The following EYA3 variants were observed in gnomAD, a reference collection of about 807,000 sequenced individuals.
EYA3 encodes the protein protein phosphatase EYA3.
In EYA3, 39 loss-of-function variants were observed where a neutral mutation model predicts 80.0. The observed-to-expected ratio is 0.49, with a 90% CI of 0.38 to 0.64. The LOEUF is 0.64. EYA3 is among the 30% of genes least tolerant of loss of function. EYA3 has a pLI of 0.00. For synonymous variants in EYA3, 206 were observed against 232.8 expected (o/e 0.88, Z 1.05); for missense variants, 523 against 676.1 (o/e 0.77, Z 2.51).
chr1:27,996,676 G>A (rs1640481470), intron 13 of EYA3, among the ~76,000 whole-genome samples: 1 of 152,156 alleles, frequency 6.6e-6, no homozygotes, highest in Non-Finnish European at 1.5e-5. Flanking sequence ...GTAGTTACTG[G>A]GAAGAACATT....
intron 1 of EYA3, among the ~76,000 whole-genome samples, chr1:28,059,252 A>C (rs1644534576): frequency 6.6e-6 from 1 of 152,202 alleles, no homozygotes; most frequent in Non-Finnish European, 1.5e-5. Flanking sequence ...TCCAACTCTA[A>C]CACAGCTTTA....
At chr1:28,059,395 A>T (rs1168652043) in intron 1 of EYA3, among the ~76,000 whole-genome samples, 22 of 152,246 alleles carry the variant, frequency 1.4e-4, no homozygotes, top group Admixed American at 1.4e-3. Context: ...TGACACAGGT[A>T]ACTAGTGATA....
chr1:28,085,268 T>C (rs775246371), intron 1 of EYA3, among the ~76,000 whole-genome samples: 10 of 151,970 alleles, frequency 6.6e-5, no homozygotes, highest in Non-Finnish European at 1.0e-4. Flanking sequence ...CTGGGCAACA[T>C]GGTGAAACTC....
intron 10 of EYA3, 60 bp from the exon 11 acceptor site, chr1:28,004,479 A>G (rs1641128586): frequency 3.2e-6 from 4 of 1,250,172 alleles, no homozygotes; most frequent in Non-Finnish European, 3.5e-6. Context: ...ATGAAACCAG[A>G]AATCAATAAC....
intron 1 of EYA3, among the ~76,000 whole-genome samples, chr1:28,072,665 T>C (rs578226997): frequency 3.5e-4 from 54 of 152,290 alleles, no homozygotes; most frequent in African/African-American, 1.3e-3. Flanking sequence ...GGAAAACAGT[T>C]TGGCAGTTCC....
intron 2 of EYA3, among the ~76,000 whole-genome samples, chr1:28,053,762 T>G (rs193027820): frequency 1.6e-4 from 24 of 152,310 alleles, no homozygotes; most frequent in African/African-American, 4.8e-4. Flanking sequence ...AATTGTTAAA[T>G]TTTAGTGTTA....
At position 28,013,555 on chromosome 1, in the gene EYA3, A is replaced by C. The variant is rs1641835081; in HGVS notation, c.586-261T>G. Among the ~76,000 whole-genome samples the C allele has an allele frequency of 6.6e-6, 1 of 152,178 alleles. No individual in the cohort carries two copies. Among genetic ancestry groups the C allele is most frequent in the Admixed American group, 6.5e-5 (1 of 15,268 alleles). On this transcript the variant is annotated intron_variant, in intron 8 of 17. Coordinates refer to ENST00000373871, the MANE Select transcript of EYA3 (RefSeq NM_001990.4). This position sits in a 1 kb window ranked among gnomAD's most constrained non-coding sequence, Gnocchi z 4.0. ...AGGGAAGGGTCTTCTGTACTCTCAT[A>C]AACATACACATGGTGTCCCTTTTTG...
intron 1 of EYA3, among the ~76,000 whole-genome samples, chr1:28,081,695 C>G (rs1645435211): frequency 6.6e-6 from 1 of 152,030 alleles, no homozygotes; most frequent in Admixed American, 6.6e-5. Flanking sequence ...GGGAGGGGCA[C>G]AACAGGTGAA....
chr1:28,042,332 A>C (rs1004893823), intron 4 of EYA3, among the ~76,000 whole-genome samples: 8 of 152,172 alleles, frequency 5.3e-5, no homozygotes, highest in African/African-American at 1.9e-4. Flanking sequence ...TCTCAAAACA[A>C]AAATAAAATC....
intron 10 of EYA3, among the ~76,000 whole-genome samples, chr1:28,004,851 T>C (rs1195765078): frequency 6.6e-6 from 1 of 151,794 alleles, no homozygotes; most frequent in Non-Finnish European, 1.5e-5. Flanking sequence ...CAGAGATAAA[T>C]AGAAGAGAGA....
chr1:27,994,278 A>T (rs1243050157), intron 13 of EYA3, among the ~76,000 whole-genome samples: 1 of 152,198 alleles, frequency 6.6e-6, no homozygotes, highest in African/African-American at 2.4e-5. Context: ...TGTAATGAGG[A>T]ACTAAAGCCT....
Position 27,983,228 on chromosome 1 carries a change from TACAC to T in EYA3, c.1541-4758_1541-4755del, listed in dbSNP as rs1639430692. Among the ~76,000 whole-genome samples the T allele has an allele frequency of 2.0e-5, 3 of 152,322 alleles. No homozygotes were observed. The South Asian group carries it at 6.2e-4, about 32-fold the overall frequency. On this transcript the variant is annotated intron_variant, in intron 16 of 17. Transcript: ENST00000373871. ...AGTGGGCACGGTTTCAATAAAAACT[TACAC>T]AAACAGCCAGAGGGTAGGATTTAGC...
At position 28,027,843 on chromosome 1, in the gene EYA3, T is replaced by C; in HGVS notation, c.445A>G (p.Thr149Ala). The change falls in exon 7 of 18, where the codon ACA (threonine) becomes GCA (alanine). Residue 149 changes from threonine (T) to alanine (A), a missense_variant. Thr to Ala is a moderately conservative substitution (Grantham distance 58, BLOSUM62 0). Around this residue, in one of 2 missense-constraint regions of EYA3, gnomAD observed 304 missense variants for 343.3 expected, o/e 0.89. Coordinates refer to ENST00000373871, the MANE Select transcript of EYA3 (RefSeq NM_001990.4). ...CTTGGCTGGCTTGTGGTTAACCCTGTAGTGCAGGTAAGAACACTGTGTTGA... is the reference window on the plus strand; with the variant it reads ...CTTGGCTGGCTTGTGGTTAACCCTGCAGTGCAGGTAAGAACACTGTGTTGA... ...PSQHSVLTCT[T>A]GLTTSQPSPA... The C allele has an allele frequency of 1.2e-6, 2 of 1,614,184 alleles. No homozygotes were observed. The highest frequency in any genetic ancestry group is 1.7e-6 in the Non-Finnish European group (2 of 1,180,020).
chr1:28,084,225 A>G (rs1327880650), intron 1 of EYA3, among the ~76,000 whole-genome samples: 1 of 132,132 alleles, frequency 7.6e-6, no homozygotes, highest in African/African-American at 2.9e-5. Flanking sequence ...CTGTTTTTAA[A>G]TATACTACTA....
At chr1:27,997,409 C>G (rs1464741640) in intron 12 of EYA3, 31 bp from the exon 13 acceptor site, 1 of 1,581,610 alleles carries the variant, frequency 6.3e-7, no homozygotes, top group African/African-American at 1.3e-5. Context: ...TTACTTCAGT[C>G]CAGGGAGTAG....
At chr1:28,035,774 T>A in intron 5 of EYA3, 94 bp from the exon 6 acceptor site, 1 of 1,183,900 alleles carries the variant, frequency 8.4e-7, no homozygotes, top group Non-Finnish European at 1.2e-6. Context: ...GCAAAGAATC[T>A]GCAACAAGGA....
chr1:28,084,556 A>ACTATATATATATAT (rs1645543986), intron 1 of EYA3, among the ~76,000 whole-genome samples: 1 of 32,730 alleles, frequency 3.1e-5, no homozygotes, highest in African/African-American at 1.2e-4. Flanking sequence ...ACTATTCCAA[A>ACTATATATATATAT]ATATATATAT....
chr1:28,061,686 G>A (rs1571925378), intron 1 of EYA3, among the ~76,000 whole-genome samples: 1 of 151,590 alleles, frequency 6.6e-6, no homozygotes, highest in Admixed American at 6.6e-5. Context: ...TGCAAGCTCC[G>A]CCTCCCAGGT....
intron 6 of EYA3, among the ~76,000 whole-genome samples, chr1:28,028,566 A>C (rs567822812): frequency 1.4e-4 from 21 of 151,280 alleles, no homozygotes; most frequent in African/African-American, 4.8e-4. Flanking sequence ...AGTCACCCAG[A>C]TGATTTCTTC....
Sources: allele counts gnomAD v4.1 joint callset (sites outside exome capture counted in the v4.1 genomes callset), GRCh38; gene constraint gnomAD v4.1.1; regional missense constraint gnomAD v4.1.1; non-coding constraint Gnocchi (gnomAD v3.1); transcripts MANE v1.5; gene names NCBI Gene and HGNC (gene_info 2026-07-23, HGNC 2026-07-21).